Variants in EZH2 observed in about 807,000 individuals in gnomAD.
The protein encoded by EZH2 is enhancer of zeste 2 polycomb repressive complex 2 subunit, also known as histone-lysine N-methyltransferase EZH2.
A neutral mutation model predicts 98.4 loss-of-function variants in EZH2; 18 were observed. The observed-to-expected ratio is 0.18, with a 90% confidence interval of 0.13 to 0.27. The LOEUF (loss-of-function observed/expected upper bound fraction) is 0.27, where lower values mean the gene tolerates loss of function less well. Among genes scored for constraint, EZH2 ranks in the 10% least tolerant of loss-of-function variants. The pLI, the probability that EZH2 is intolerant of heterozygous loss-of-function variation, is 1.00. For missense variants in EZH2, 470 were observed against 935.1 expected, an observed-to-expected ratio of 0.50 and a Z score of 6.49; for synonymous variants, 338 against 312.3, an observed-to-expected ratio of 1.08 and a Z score of -0.87.
intron 1 of EZH2, among the ~76,000 whole-genome samples, chr7:148,857,566 T>G (rs1433554314): frequency 6.6e-6 from 1 of 151,642 alleles, no homozygotes; most frequent in Non-Finnish European, 1.5e-5. Context: ...GCCTGGCCAA[T>G]ATGGTGAAAC....
At position 148,839,527 on chromosome 7, in the gene EZH2, T is replaced by TGG. The variant is rs35484227; in HGVS notation, c.247-6779_247-6778dup. 8.6e-3 allele frequency among the ~76,000 whole-genome samples: 1,149 copies of TGG among 134,188 alleles called. 14 individuals carry two copies. Among genetic ancestry groups the TGG allele is most frequent in the African/African-American group, 0.029 (1,018 of 35,692 alleles). The allele number at this position is 134,188 out of a possible 152,430, so 88.0% of individuals were successfully genotyped here. ...AGATATATCAGAAATAACATCAAAATGGGGGGGGGGCAATCTGCAAAACAT... is the reference window on the plus strand; with the variant it reads ...AGATATATCAGAAATAACATCAAAATGGGGGGGGGGGGCAATCTGCAAAACAT... On this transcript the variant is annotated intron_variant, in intron 3 of 19. Coordinates refer to ENST00000320356, the MANE Select transcript of EZH2 (RefSeq NM_004456.5).
intron 1 of EZH2, among the ~76,000 whole-genome samples, chr7:148,879,578 C>A (rs538535072): frequency 2.0e-5 from 3 of 151,948 alleles, no homozygotes; most frequent in Admixed American, 2.0e-4. Flanking sequence ...GTAATCCCAA[C>A]TACTTGAGAG....
chr7:148,828,825 T>A lies in EZH2; in HGVS notation c.540A>T (p.Gln180His), dbSNP rs770380532. ...CATCATCATCGTCATCATCATTATATTGACCAAGGGCATTCACCAACTCCA... is the reference window on the plus strand; with the variant it reads ...CATCATCATCGTCATCATCATTATAATGACCAAGGGCATTCACCAACTCCA... ...IFVELVNALG[Q>H]YNDDDDDDDG... Residue 180 changes from glutamine (Q) to histidine (H), a missense_variant, in exon 6 of 20, where the codon CAA becomes CAT. By Grantham distance (24) the Gln-to-His change is conservative (BLOSUM62 0). This residue lies in a region of EZH2 where 69 missense variants were observed against 78.3 expected (regional missense o/e 0.88). Transcript: ENST00000320356. The A allele has an allele frequency of 6.2e-7, 1 of 1,613,804 alleles. No individual in the cohort carries two copies. Among genetic ancestry groups the A allele is most frequent in the East Asian group, 2.2e-5 (1 of 44,862 alleles).
chr7:148,832,236 C>T (rs768518842), intron 4 of EZH2, among the ~76,000 whole-genome samples: 3 of 152,124 alleles, frequency 2.0e-5, no homozygotes, highest in Non-Finnish European at 4.4e-5. Context: ...CAGACATGCG[C>T]CACACCCAGC....
At chr7:148,810,502 G>C in intron 16 of EZH2, 88 bp from the exon 17 acceptor site, 1 of 792,938 alleles carries the variant, frequency 1.3e-6, no homozygotes, top group South Asian at 1.6e-5. Flanking sequence ...GTGAATACTG[G>C]ACCTTCTGGA....
chr7:148,876,301 A>AT (rs1279511774), intron 1 of EZH2: 1 of 152,032 alleles, frequency 6.6e-6, no homozygotes, highest in Admixed American at 6.6e-5. Flanking sequence ...GGAAAAAAAA[A>AT]AAAGTTGAGA....
intron 3 of EZH2, among the ~76,000 whole-genome samples, chr7:148,845,139 A>C (rs1281790919): frequency 6.6e-6 from 1 of 152,200 alleles, no homozygotes; most frequent in African/African-American, 2.4e-5. Context: ...TTTCCATGTG[A>C]ATCTACCTAA....
intron 1 of EZH2, among the ~76,000 whole-genome samples, chr7:148,872,680 A>C (rs550511828): frequency 6.6e-6 from 1 of 152,210 alleles, no homozygotes; most frequent in Admixed American, 6.5e-5. Context: ...AAGCTGCTTT[A>C]ATTATGATTG....
At chr7:148,858,790 TA>T (rs1817232742) in intron 1 of EZH2, among the ~76,000 whole-genome samples, 1 of 151,976 alleles carries the variant, frequency 6.6e-6, no homozygotes, top group East Asian at 1.9e-4. Context: ...ACAAACAATT[TA>T]AAAGGAAAAA....
intron 3 of EZH2, among the ~76,000 whole-genome samples, chr7:148,842,439 C>G (rs1812696040): frequency 6.6e-6 from 1 of 151,972 alleles, no homozygotes; most frequent in African/African-American, 2.4e-5. Context: ...ATATGAAGAC[C>G]TACAGAACAT....
chr7:148,873,825 T>G (rs2129493267), intron 1 of EZH2, among the ~76,000 whole-genome samples: 1 of 146,814 alleles, frequency 6.8e-6, no homozygotes, highest in South Asian at 2.2e-4. Flanking sequence ...CCCTACAGAT[T>G]AATAAAAAGG....
At chr7:148,883,700 T>C (rs1821369476) in intron 1 of EZH2, among the ~76,000 whole-genome samples, 1 of 151,510 alleles carries the variant, frequency 6.6e-6, no homozygotes, top group African/African-American at 2.4e-5. Flanking sequence ...GTCCGTCCTT[T>C]GTCTGAGTGC....
At chr7:148,840,538 T>A (rs1045540571) in intron 3 of EZH2, among the ~76,000 whole-genome samples, 4 of 152,208 alleles carry the variant, frequency 2.6e-5, no homozygotes, top group Non-Finnish European at 5.9e-5. Flanking sequence ...ATTTCTGTGT[T>A]ATCTAAATTT....
intron 1 of EZH2, among the ~76,000 whole-genome samples, chr7:148,861,214 T>G (rs932080523): frequency 6.8e-6 from 1 of 146,094 alleles, no homozygotes; most frequent in Non-Finnish European, 1.5e-5. Context: ...CTTGTTATAC[T>G]GTATTATTTG....
In EZH2 at chr7:148,871,723, T is replaced by C. The variant is rs189879450; in HGVS notation, c.-8+12441A>G. ...CTAAGTAGCTGAAACTACAGGCGCATGCCACCACACCTAGCTAACTTTTTT... is the reference window on the plus strand; with the variant it reads ...CTAAGTAGCTGAAACTACAGGCGCACGCCACCACACCTAGCTAACTTTTTT... On this transcript the variant is annotated intron_variant, in intron 1 of 19. Transcript: ENST00000320356. 1.8e-3 allele frequency among the ~76,000 whole-genome samples: 277 copies of C among 152,114 alleles called. 1 individual carries two copies. The highest frequency in any genetic ancestry group is 6.3e-3 in the African/African-American group (261 of 41,520).
rs928383878 is a variant in EZH2, at chr7:148,817,469, G to GA, written c.1241-79dup. The GA allele has an allele frequency of 5.7e-6, 8 of 1,412,738 alleles. No individual in the cohort carries two copies. The African/African-American group carries it at 1.2e-4, about 20-fold the overall frequency. The allele number at this position is 1,412,738 out of a possible 1,614,324, so 87.5% of individuals were successfully genotyped here. The stretch of plus-strand genomic sequence containing the variant: ...GAAGTACAATTCAGGGTGTGCTTAA[G>GA]AAAAAAGCGAAAAGATGAGGACAAC... On this transcript the variant is annotated intron_variant, in intron 10 of 19. Coordinates refer to ENST00000320356, the MANE Select transcript of EZH2 (RefSeq NM_004456.5).
At chr7:148,880,663 G>A (rs1284731721) in intron 1 of EZH2, among the ~76,000 whole-genome samples, 2 of 152,070 alleles carry the variant, frequency 1.3e-5, no homozygotes, top group Admixed American at 1.3e-4. Flanking sequence ...TATTAAAGAG[G>A]GAGAAAAACA....
intron 3 of EZH2, among the ~76,000 whole-genome samples, chr7:148,839,082 AAGGAAG>A (rs1811696497): frequency 6.6e-6 from 1 of 150,818 alleles, no homozygotes; most frequent in African/African-American, 2.5e-5. Context: ...GGAAGGAAGG[AAGGAAG>A]GAAGGAAGGA....
intron 6 of EZH2, 136 bp downstream of exon 6, chr7:148,828,604 G>T: frequency 8.6e-7 from 1 of 1,167,254 alleles, no homozygotes; most frequent in Non-Finnish European, 1.2e-6. Flanking sequence ...TGTTAATTTT[G>T]ATTATACTGC....
Sources: allele counts gnomAD v4.1 joint callset (sites outside exome capture counted in the v4.1 genomes callset), GRCh38; gene constraint gnomAD v4.1.1; regional missense constraint gnomAD v4.1.1; transcripts MANE v1.5; gene names NCBI Gene and HGNC (gene_info 2026-07-23, HGNC 2026-07-21).